FRMD4A: variants seen among roughly 807,000 people sequenced by gnomAD.
The protein encoded by FRMD4A is FERM domain-containing protein 4A.
A neutral mutation model predicts 129.1 loss-of-function variants in FRMD4A; 29 were observed. The observed-to-expected ratio is 0.22, with a 90% CI of 0.17 to 0.31. The LOEUF (loss-of-function observed/expected upper bound fraction) is 0.31, where lower values mean the gene tolerates loss of function less well. FRMD4A is among the 10% of genes least tolerant of loss of function. The pLI is 1.00. For missense variants in FRMD4A, 1,272 were observed against 1,375.8 expected (o/e 0.92, Z 1.19); for synonymous variants, 634 against 571.6 (o/e 1.11, Z -1.56).
intron 2 of FRMD4A, among the ~76,000 whole-genome samples, chr10:14,009,690 C>T (rs1336119671): frequency 6.6e-6 from 1 of 152,230 alleles, no homozygotes; most frequent in African/African-American, 2.4e-5. Flanking sequence ...CGCAGACACA[C>T]ATCACGAGTC....
At chr10:14,114,712 AT>A (rs951834038) in intron 2 of FRMD4A, among the ~76,000 whole-genome samples, 1 of 152,118 alleles carries the variant, frequency 6.6e-6, no homozygotes, top group Non-Finnish European at 1.5e-5. Context: ...GTCAGCTGAC[AT>A]TTTTTTGGAG....
chr10:14,258,071 C>T (rs1198147159), intron 2 of FRMD4A, among the ~76,000 whole-genome samples: 5 of 151,972 alleles, frequency 3.3e-5, no homozygotes, highest in Admixed American at 6.5e-5. Flanking sequence ...TATTCTGGAA[C>T]ACTTTTAGAA....
chr10:13,816,140 A>G (rs1403132725), intron 3 of FRMD4A, among the ~76,000 whole-genome samples: 1 of 152,222 alleles, frequency 6.6e-6, no homozygotes. Flanking sequence ...ATTACTTTAC[A>G]CAACAGTTAT....
At chr10:13,874,994 C>A (rs973303882) in intron 2 of FRMD4A, among the ~76,000 whole-genome samples, 1 of 152,052 alleles carries the variant, frequency 6.6e-6, no homozygotes, top group Non-Finnish European at 1.5e-5. Flanking sequence ...CGGGGGGACA[C>A]CCTAACTCAC....
rs1416053440 is a variant in FRMD4A, at chr10:13,801,995, T to C, written c.207-5407A>G. On this transcript the variant is annotated intron_variant, in intron 4 of 24. Transcript: ENST00000357447. ...GAATGCACTTCATTGCCTTTGCCAA[T>C]AATAATGCAAAAAAAAAAAAAAAAA... Among the ~76,000 whole-genome samples the C allele has an allele frequency of 1.5e-4, 5 of 33,018 alleles. No homozygotes were observed. In the East Asian group the frequency reaches 3.9e-3, roughly 26 times the overall value. 21.7% of individuals were successfully genotyped at this position (33,018 alleles called of 152,430 possible). A position where few individuals can be genotyped will look rare whatever the true frequency, so the allele number is the denominator to read the frequency against.
chr10:13,967,885 A>C (rs1250712560), intron 2 of FRMD4A, among the ~76,000 whole-genome samples: 1 of 152,212 alleles, frequency 6.6e-6, no homozygotes, highest in African/African-American at 2.4e-5. Context: ...ATCTCTACAA[A>C]AAATACAAAA....
At chr10:13,762,552 G>T in intron 7 of FRMD4A, 72 bp downstream of exon 7, 1 of 859,434 alleles carries the variant, frequency 1.2e-6, no homozygotes, top group Non-Finnish European at 2.0e-6. Context: ...TACTGGCTAT[G>T]CCTGGTAAGT....
At chr10:13,881,878 T>C (rs1379548466) in intron 2 of FRMD4A, among the ~76,000 whole-genome samples, 1 of 150,630 alleles carries the variant, frequency 6.6e-6, no homozygotes, top group African/African-American at 2.4e-5. Context: ...AAGTAAAGAA[T>C]GAGTAGGTGC....
intron 2 of FRMD4A, among the ~76,000 whole-genome samples, chr10:14,329,790 G>A (rs995262356): frequency 1.3e-5 from 2 of 152,146 alleles, no homozygotes; most frequent in Admixed American, 6.5e-5. Context: ...TCTATTTCGA[G>A]GGGCTCTTAG....
At chr10:14,191,172 C>G (rs1000407773) in intron 2 of FRMD4A, among the ~76,000 whole-genome samples, 4 of 152,210 alleles carry the variant, frequency 2.6e-5, no homozygotes, top group Non-Finnish European at 4.4e-5. Flanking sequence ...TTCAGCTTTT[C>G]AGCAAGTTTT....
intron 6 of FRMD4A, among the ~76,000 whole-genome samples, chr10:13,770,201 G>A (rs2130733955): frequency 6.6e-6 from 1 of 152,282 alleles, no homozygotes; most frequent in South Asian, 2.1e-4. Context: ...GGGCTGTGGT[G>A]CAGGATGAGA....
At chr10:14,017,734 C>A (rs1044039880) in intron 2 of FRMD4A, among the ~76,000 whole-genome samples, 2 of 152,212 alleles carry the variant, frequency 1.3e-5, no homozygotes, top group African/African-American at 4.8e-5. Context: ...GGACATATCA[C>A]TCCCAGGGTC....
chr10:13,654,620 T>C lies in FRMD4A; in HGVS notation c.2954-108A>G, dbSNP rs1468069813. ...CCAACCCAGTGGCCAGAGGTCACCA[T>C]TTCCAGGGATGCTGGGAAGGACCCC... On this transcript the variant is annotated intron_variant, in intron 22 of 24. Coordinates refer to ENST00000357447, the MANE Select transcript of FRMD4A (RefSeq NM_018027.5). 13 of 687,332 alleles carry C rather than the reference T, an allele frequency of 1.9e-5. No individual in the cohort carries two copies. In the East Asian group the frequency reaches 3.1e-4, roughly 16 times the overall value. The allele number at this position is 687,332 out of a possible 1,614,324, so 42.6% of individuals were successfully genotyped here. A position where few individuals can be genotyped will look rare whatever the true frequency, so the allele number is the denominator to read the frequency against.
In FRMD4A at chr10:14,272,159, T is replaced by C. The variant is rs566886535; in HGVS notation, c.45+57899A>G. Among the ~76,000 whole-genome samples the C allele has an allele frequency of 5.9e-5, 9 of 152,238 alleles. No individual in the cohort carries two copies. The East Asian group carries it at 1.7e-3, about 29-fold the overall frequency. On this transcript the variant is annotated intron_variant, in intron 2 of 24. Coordinates refer to ENST00000357447, the MANE Select transcript of FRMD4A (RefSeq NM_018027.5). ...GTTTTTTTTCTCATGTAAAGGTCAA[T>C]GCAGCTCAGGTAAACTTACCCCAGC...
At chr10:14,052,172 C>T (rs1414920376) in intron 2 of FRMD4A, among the ~76,000 whole-genome samples, 1 of 152,170 alleles carries the variant, frequency 6.6e-6, no homozygotes, top group African/African-American at 2.4e-5. Context: ...GCATGGAACA[C>T]ACTCTCCCTT....
chr10:13,760,430 G>C (rs2092023606), intron 8 of FRMD4A, among the ~76,000 whole-genome samples: 1 of 152,086 alleles, frequency 6.6e-6, no homozygotes, highest in South Asian at 2.1e-4. Context: ...GAGGCAGGAG[G>C]ATCACTTGAG....
At position 13,887,860 on chromosome 10, in the gene FRMD4A, G is replaced by C. The variant is rs146502736; in HGVS notation, c.46-28948C>G. Among the ~76,000 whole-genome samples the C allele has an allele frequency of 3.0e-3, 452 of 152,224 alleles. 3 individuals are homozygous for C. The highest frequency in any genetic ancestry group is 0.011 in the African/African-American group (437 of 41,514). ...TAGAGCTGGTTACTTCCAATGTAAG[G>C]GTGTGTCTAAATTATTCCTTATAAG... On this transcript the variant is annotated intron_variant, in intron 2 of 24. Coordinates refer to ENST00000357447, the MANE Select transcript of FRMD4A (RefSeq NM_018027.5).
At chr10:14,074,286 C>T (rs928063334) in intron 2 of FRMD4A, 1 of 152,154 alleles carries the variant, frequency 6.6e-6, no homozygotes, top group African/African-American at 2.4e-5. Flanking sequence ...TGTGCCCACT[C>T]GGCACGACCC....
At position 13,722,892 on chromosome 10, in the gene FRMD4A, G is replaced by T. The variant is rs376166334; in HGVS notation, c.759+14952C>A. On this transcript the variant is annotated intron_variant, in intron 12 of 24. Transcript: ENST00000357447. ...TGTTGGTTAGCTAGGTCACCATGCT[G>T]GTTAGCTAGGTCTCCATGCTGGTTA... Among the ~76,000 whole-genome samples, 31 of 152,244 alleles carry T rather than the reference G, an allele frequency of 2.0e-4. No individual in the cohort carries two copies. In the South Asian group the frequency reaches 2.5e-3, roughly 12 times the overall value.
Sources: gnomAD v4.1 joint callset for allele counts (sites outside exome capture counted in the v4.1 genomes callset) on GRCh38, gnomAD v4.1.1 for gene constraint, MANE v1.5 for transcripts, NCBI Gene and HGNC (gene_info 2026-07-23, HGNC 2026-07-21) for gene names.